ZFHX3: variants seen among roughly 807,000 people sequenced by gnomAD.
ZFHX3 encodes the protein zinc finger homeobox 3.
In ZFHX3, 42 loss-of-function variants were observed where a neutral mutation model predicts 279.1. That is an observed-to-expected ratio of 0.15 (90% CI 0.12 to 0.19). ZFHX3 has a LOEUF of 0.19. Among genes scored for constraint, ZFHX3 ranks in the 10% least tolerant of loss-of-function variants. ZFHX3 has a pLI of 1.00. For missense variants in ZFHX3, 4,981 were observed against 4,754.0 expected, an observed-to-expected ratio of 1.05 and a Z score of -1.40; for synonymous variants, 2,293 against 1,957.8, an observed-to-expected ratio of 1.17 and a Z score of -4.52.
chr16:73,440,954 C>T lies in ZFHX3; in HGVS notation c.-1291+15049G>A, dbSNP rs142745402. Among the ~76,000 whole-genome samples the T allele has an allele frequency of 2.6e-5, 4 of 152,256 alleles. No homozygotes were observed. In the East Asian group the frequency reaches 7.7e-4, roughly 29 times the overall value. Reference sequence around the variant, plus strand: ...AAACAGATTTCCATGAGAATGAACACTAAGTTATTAGGGAAGAGAGATAAG... The same window carrying T: ...AAACAGATTTCCATGAGAATGAACATTAAGTTATTAGGGAAGAGAGATAAG... On this transcript the variant is annotated intron_variant, in intron 3 of 17. Transcript: ENST00000641206.
At chr16:73,122,510 T>G (rs139463924) in intron 7 of ZFHX3, among the ~76,000 whole-genome samples, 1 of 152,116 alleles carries the variant, frequency 6.6e-6, no homozygotes, top group East Asian at 1.9e-4. Context: ...CCTGGCCACA[T>G]ATAACTAATT....
chr16:73,607,134 T>C (rs2054559), intron 2 of ZFHX3, among the ~76,000 whole-genome samples: 1 of 152,086 alleles, frequency 6.6e-6, no homozygotes, highest in Non-Finnish European at 1.5e-5. Flanking sequence ...GTTCAACTGA[T>C]TCTCCTGCCT....
rs374416547 is a variant in ZFHX3, at chr16:72,787,694, A to AGCCGCCGCCGCCGCCGCCGCCGCC, written c.10558_10581dup (p.Gly3520_Gly3527dup). 15 of 1,420,780 alleles carry AGCCGCCGCCGCCGCCGCCGCCGCC rather than the reference A, an allele frequency of 1.1e-5. No individual in the cohort carries two copies. Among genetic ancestry groups the AGCCGCCGCCGCCGCCGCCGCCGCC allele is most frequent in the South Asian group, 7.5e-5 (4 of 53,438 alleles). 88.0% of individuals were successfully genotyped at this position (1,420,780 alleles called of 1,614,324 possible). On this transcript the variant is annotated inframe_insertion, in exon 10 of 10. Coordinates refer to ENST00000268489, the MANE Select transcript of ZFHX3 (RefSeq NM_006885.4). ...CTCTCGCACGCCAGGCAGTGGTACG[A>AGCCGCCGCCGCCGCCGCCGCCGCC]GCCGCCGCCGCCGCCGCCGCCGCCA...
chr16:72,948,218 G>A (rs1332593979), intron 3 of ZFHX3, among the ~76,000 whole-genome samples: 1 of 152,152 alleles, frequency 6.6e-6, no homozygotes, highest in Non-Finnish European at 1.5e-5. Context: ...GGCTCCTGAC[G>A]GAGGCAATTC....
intron 1 of ZFHX3, among the ~76,000 whole-genome samples, chr16:73,826,222 A>G (rs1270154855): frequency 3.3e-5 from 4 of 120,712 alleles, no homozygotes; most frequent in African/African-American, 1.2e-4. Context: ...TTGGTGTATA[A>G]GAATGCTTGT....
At chr16:72,910,522 T>A (rs778690408) in intron 3 of ZFHX3, among the ~76,000 whole-genome samples, 15 of 152,164 alleles carry the variant, frequency 9.9e-5, no homozygotes, top group Non-Finnish European at 2.2e-4. Context: ...CTGCGTAGAT[T>A]TCAAAGGGTT....
intron 7 of ZFHX3, among the ~76,000 whole-genome samples, chr16:73,109,619 C>A (rs995520307): frequency 6.6e-6 from 1 of 152,148 alleles, no homozygotes; most frequent in African/African-American, 2.4e-5. Context: ...GAGGCCAAGG[C>A]AGGTGAATTG....
intron 4 of ZFHX3, among the ~76,000 whole-genome samples, chr16:73,276,309 G>A (rs552558753): frequency 1.3e-5 from 2 of 151,462 alleles, no homozygotes; most frequent in African/African-American, 2.4e-5. Context: ...TCAGCCTCCC[G>A]AGTAGCTGGG....
intron 2 of ZFHX3, among the ~76,000 whole-genome samples, chr16:73,497,453 G>A (rs2019160883): frequency 6.6e-6 from 1 of 152,174 alleles, no homozygotes; most frequent in African/African-American, 2.4e-5. Context: ...AGGACTGCTT[G>A]AGCCCAGGAG....
intron 5 of ZFHX3, among the ~76,000 whole-genome samples, chr16:72,827,661 G>A (rs527470861): frequency 3.9e-5 from 6 of 152,174 alleles, no homozygotes; most frequent in Non-Finnish European, 1.5e-5. Context: ...CTTGGTCCAG[G>A]CAAAGCCCCA....
intron 1 of ZFHX3, among the ~76,000 whole-genome samples, chr16:73,862,768 C>T (rs1259137821): frequency 6.6e-6 from 1 of 152,048 alleles, no homozygotes; most frequent in East Asian, 1.9e-4. Flanking sequence ...CAGAGTGAGA[C>T]CCTGTACAAT....
chr16:73,306,359 G>A (rs951646563), intron 4 of ZFHX3, among the ~76,000 whole-genome samples: 8 of 152,122 alleles, frequency 5.3e-5, no homozygotes, highest in African/African-American at 1.2e-4. Context: ...TTGCTGTGTC[G>A]CCTAGGCTGG....
At chr16:72,843,856 G>C (rs2037410979) in intron 4 of ZFHX3, among the ~76,000 whole-genome samples, 1 of 152,112 alleles carries the variant, frequency 6.6e-6, no homozygotes, top group Admixed American at 6.5e-5. Flanking sequence ...CAAAACCAAA[G>C]CAAACCCCAC....
At chr16:72,867,484 A>G (rs1028470014) in intron 4 of ZFHX3, among the ~76,000 whole-genome samples, 8 of 152,204 alleles carry the variant, frequency 5.3e-5, no homozygotes, top group African/African-American at 1.7e-4. Context: ...ATACCAAAAC[A>G]TACCAAAATC....
chr16:73,538,126 G>T (rs748025512), intron 2 of ZFHX3, among the ~76,000 whole-genome samples: 3 of 152,160 alleles, frequency 2.0e-5, no homozygotes, highest in Non-Finnish European at 4.4e-5. Context: ...TGAGCAGCAA[G>T]TCATCACGCA....
chr16:73,146,802 C>A (rs756829546), intron 5 of ZFHX3, among the ~76,000 whole-genome samples: 8 of 152,096 alleles, frequency 5.3e-5, no homozygotes, highest in Non-Finnish European at 8.8e-5. Flanking sequence ...ACTACAGGCG[C>A]CACCACCAAG....
chr16:73,021,162 T>C (rs146676257), intron 1 of ZFHX3, among the ~76,000 whole-genome samples: 4 of 152,286 alleles, frequency 2.6e-5, no homozygotes, highest in Non-Finnish European at 5.9e-5. Flanking sequence ...TGATGCTAAG[T>C]AGACATATAG....
chr16:73,568,402 T>C (rs1405453377), intron 2 of ZFHX3, among the ~76,000 whole-genome samples: 1 of 152,168 alleles, frequency 6.6e-6, no homozygotes, highest in Non-Finnish European at 1.5e-5. Flanking sequence ...GAAACCTGCC[T>C]TGTCTTAGCA....
chr16:73,489,114 G>C (rs1193230228), intron 2 of ZFHX3, among the ~76,000 whole-genome samples: 1 of 152,132 alleles, frequency 6.6e-6, no homozygotes, highest in African/African-American at 2.4e-5. Flanking sequence ...TTCATCATCT[G>C]AATATCATCA....
Sources: allele counts gnomAD v4.1 joint callset (sites outside exome capture counted in the v4.1 genomes callset), GRCh38; gene constraint gnomAD v4.1.1; transcripts MANE v1.5; gene names NCBI Gene and HGNC (gene_info 2026-07-23, HGNC 2026-07-21).